The following CHM variants were observed in gnomAD, a reference collection of about 807,000 sequenced individuals.
The protein encoded by CHM is CHM Rab escort protein, also known as rab proteins geranylgeranyltransferase component A 1.
In CHM, 10 loss-of-function variants were observed where a neutral mutation model predicts 49.0. That is an observed-to-expected ratio of 0.20 (90% CI 0.13 to 0.35). The LOEUF (loss-of-function observed/expected upper bound fraction) is 0.35. Ranked by LOEUF, CHM falls within the 10% of genes least tolerant of loss-of-function variation. The pLI, the probability that CHM is intolerant of heterozygous loss-of-function variation, is 1.00. For synonymous variants in CHM, 184 were observed against 167.5 expected (o/e 1.10, Z -0.76); for missense variants, 455 against 478.4 (o/e 0.95, Z 0.46).
chrX:85,946,272 C>T (rs1335372381), intron 8 of CHM, among the ~76,000 whole-genome samples: 1 of 112,499 alleles, frequency 8.9e-6, no homozygotes, highest in Admixed American at 9.4e-5. Context: ...ATGTGCATAA[C>T]TAAAAAGGAG....
At chrX:85,913,014 GAAAA>G (rs755460793) in intron 8 of CHM, among the ~76,000 whole-genome samples, 1 of 38,253 alleles carries the variant, frequency 2.6e-5, no homozygotes, top group Non-Finnish European at 4.6e-5. Flanking sequence ...CTCCATCTCA[GAAAA>G]AAAAAAAAAA....
At chrX:85,956,403 C>A in intron 7 of CHM, 25 bp from the exon 8 acceptor site, 1 of 1,191,616 alleles carries the variant, frequency 8.4e-7, no homozygotes, top group Non-Finnish European at 1.1e-6. Flanking sequence ...AATTTTATCA[C>A]TTAAAATCAG....
intron 12 of CHM, among the ~76,000 whole-genome samples, chrX:85,882,876 G>T (rs183104000): frequency 5.4e-5 from 6 of 111,074 alleles, no homozygotes; most frequent in Admixed American, 4.8e-4. Flanking sequence ...GGATGATTAC[G>T]TGGGTCTGGT....
chrX:85,971,345 G>T, intron 4 of CHM: 1 of 323,938 alleles, frequency 3.1e-6, no homozygotes, highest in Non-Finnish European at 4.1e-6. Flanking sequence ...TCTTAAGGTG[G>T]CACGTCTGGA....
intron 6 of CHM, among the ~76,000 whole-genome samples, chrX:85,958,265 C>A (rs1408095363): frequency 8.9e-6 from 1 of 112,132 alleles, no homozygotes; most frequent in Non-Finnish European, 1.9e-5. Flanking sequence ...CACTGTGGTT[C>A]TCCCTATGTA....
chrX:86,005,408 G>A (rs963525512), intron 2 of CHM, among the ~76,000 whole-genome samples: 3 of 111,444 alleles, frequency 2.7e-5, no homozygotes, highest in African/African-American at 9.8e-5. Context: ...AGAAATAACT[G>A]AGATCAGAGC....
intron 1 of CHM, among the ~76,000 whole-genome samples, chrX:86,036,748 A>C: frequency 8.9e-6 from 1 of 111,781 alleles, no homozygotes; most frequent in African/African-American, 3.3e-5. Context: ...AGGGTCAAAT[A>C]AAACCCATCT....
chrX:86,030,679 C>T (rs1934004588), intron 1 of CHM, among the ~76,000 whole-genome samples: 1 of 110,841 alleles, frequency 9.0e-6, no homozygotes, highest in African/African-American at 3.3e-5. Flanking sequence ...GAAACACTCC[C>T]TCTGTAGAGG....
intron 12 of CHM, among the ~76,000 whole-genome samples, chrX:85,886,763 C>T (rs1925112818): frequency 9.2e-6 from 1 of 108,704 alleles, no homozygotes; most frequent in South Asian, 4.1e-4. Flanking sequence ...CTTTTAATGT[C>T]CAAGTTACAA....
At chrX:85,876,630 T>A (rs1428827239) in intron 13 of CHM, among the ~76,000 whole-genome samples, 1 of 111,402 alleles carries the variant, frequency 9.0e-6, no homozygotes. Context: ...TTCTGACATT[T>A]TAATTAAAAT....
chrX:86,001,928 G>A (rs1932746541), intron 2 of CHM, among the ~76,000 whole-genome samples: 1 of 111,023 alleles, frequency 9.0e-6, no homozygotes, highest in African/African-American at 3.3e-5. Flanking sequence ...CAGCCCCATG[G>A]TGTAATGGTC....
At chrX:86,014,629 T>C (rs1050502309) in intron 2 of CHM, among the ~76,000 whole-genome samples, 3 of 112,149 alleles carry the variant, frequency 2.7e-5, no homozygotes, top group African/African-American at 9.7e-5. Flanking sequence ...AGGTCTCTGG[T>C]TGGCAAAGTG....
Position 85,879,068 on chromosome X carries a change from T to TAAAAA in CHM, c.1511-10_1511-6dup. On this transcript the variant is annotated splice_region_variant and splice_polypyrimidine_tract_variant and intron_variant, in intron 12 of 14. Coordinates refer to ENST00000357749, the MANE Select transcript of CHM (RefSeq NM_000390.4). The stretch of plus-strand genomic sequence containing the variant: ...TGCAAGTCAAATGAACCAAATCTGT[T>TAAAAA]AAAAAAAAAATATTTGAGTTCCTTG... 1 of 1,070,225 alleles carries TAAAAA rather than the reference T, an allele frequency of 9.3e-7. No homozygotes were observed. Among genetic ancestry groups the TAAAAA allele is most frequent in the Non-Finnish European group, 1.3e-6 (1 of 785,301 alleles). 88.2% of individuals were successfully genotyped at this position (1,070,225 alleles called of 1,213,427 possible).
rs747323974 is a variant in CHM, at chrX:85,862,395, G to A, written c.*2235C>T. Reference sequence around the variant, plus strand: ...ACTGCAATTGTATTCAGACTCAATCGTCTCATCTACTGGAACCTTTTATAA... The same window carrying A: ...ACTGCAATTGTATTCAGACTCAATCATCTCATCTACTGGAACCTTTTATAA... On this transcript the variant is annotated 3_prime_UTR_variant, in exon 15 of 15. Transcript: ENST00000357749. 1.3e-4 allele frequency: 15 copies of A among 112,563 alleles called. No individual in the cohort carries two copies. Among genetic ancestry groups the A allele is most frequent in the Admixed American group, 7.6e-4 (8 of 10,562 alleles). The allele number at this position is 112,563 out of a possible 1,213,427, so 9.3% of individuals were successfully genotyped here.
At chrX:85,994,560 C>A (rs1012170612) in intron 2 of CHM, among the ~76,000 whole-genome samples, 1 of 111,680 alleles carries the variant, frequency 9.0e-6, no homozygotes, top group Non-Finnish European at 1.9e-5. Context: ...TAAATTTAAC[C>A]CTTCCTTTGT....
intron 8 of CHM, among the ~76,000 whole-genome samples, chrX:85,937,116 A>G (rs1408966154): frequency 9.1e-6 from 1 of 109,367 alleles, no homozygotes; most frequent in Non-Finnish European, 1.9e-5. Flanking sequence ...AATACAAAAA[A>G]TTAGCCGGGT....
chrX:85,866,563 C>T (rs1031190131), intron 14 of CHM, among the ~76,000 whole-genome samples: 1 of 112,668 alleles, frequency 8.9e-6, no homozygotes, highest in African/African-American at 3.2e-5. Flanking sequence ...AAGAAGAGGG[C>T]CACTGTCCTC....
At chrX:85,900,583 T>C (rs1489416510) in intron 11 of CHM, 63 bp downstream of exon 11, 3 of 665,794 alleles carry the variant, frequency 4.5e-6, no homozygotes, top group Non-Finnish European at 7.2e-6. Flanking sequence ...TCACCATGTA[T>C]ATATATACCG....
chrX:85,866,920 C>T lies in CHM; in HGVS notation c.1771-2099G>A, dbSNP rs762198489. Among the ~76,000 whole-genome samples the T allele has an allele frequency of 2.7e-5, 3 of 112,785 alleles. No individual in the cohort carries two copies. In the East Asian group the frequency reaches 8.4e-4, roughly 32 times the overall value. The stretch of plus-strand genomic sequence containing the variant: ...TCGTATCTTGGAAGTAACTAACTTG[C>T]TTTTGATTTTACAGGTTCATAGGCA... On this transcript the variant is annotated intron_variant, in intron 14 of 14. Transcript: ENST00000357749.
Sources: gnomAD v4.1 joint callset for allele counts (sites outside exome capture counted in the v4.1 genomes callset) on GRCh38, gnomAD v4.1.1 for gene constraint, MANE v1.5 for transcripts, NCBI Gene and HGNC (gene_info 2026-07-23, HGNC 2026-07-21) for gene names.